The following ARL15 variants were observed in gnomAD, a reference collection of about 807,000 sequenced individuals.
ARL15 encodes the protein ARF like GTPase 15.
A neutral mutation model predicts 25.2 loss-of-function variants in ARL15; 19 were observed. That is an observed-to-expected ratio of 0.75 (90% confidence interval 0.53 to 1.10). The LOEUF (loss-of-function observed/expected upper bound fraction) is 1.10, where lower values mean the gene tolerates loss of function less well. ARL15 is among the 50% of genes least tolerant of loss of function. ARL15 has a pLI of 0.00. For synonymous variants in ARL15, 94 were observed against 86.8 expected (o/e 1.08, Z -0.46); for missense variants, 220 against 246.0 (o/e 0.89, Z 0.71).
At chr5:53,964,080 C>T (rs942154362) in intron 4 of ARL15, among the ~76,000 whole-genome samples, 10 of 152,146 alleles carry the variant, frequency 6.6e-5, no homozygotes, top group Non-Finnish European at 1.5e-4. Context: ...GTGCAGAATA[C>T]TGAAGCCTTT....
At chr5:53,907,919 T>C (rs1016447567) in intron 4 of ARL15, among the ~76,000 whole-genome samples, 3 of 152,174 alleles carry the variant, frequency 2.0e-5, no homozygotes, top group African/African-American at 7.2e-5. Context: ...TCAGATACGA[T>C]TGCTATTTAA....
rs559870869 is a variant in ARL15 at position 53,903,470 on chromosome 5, T to A, written c.463-16757A>T. Among the ~76,000 whole-genome samples, 5 of 152,254 alleles carry A rather than the reference T, an allele frequency of 3.3e-5. No individual in the cohort carries two copies. The East Asian group carries it at 9.7e-4, about 29-fold the overall frequency. ...GGGAGATGTGGCTAACATCCTCCAA[T>A]GCATAGGGCAGCTTCCCCTCTCACC... On this transcript the variant is annotated intron_variant, in intron 4 of 4. Transcript: ENST00000504924.
intron 4 of ARL15, among the ~76,000 whole-genome samples, chr5:53,907,483 T>TAC (rs1561143897): frequency 6.8e-4 from 23 of 34,024 alleles, no homozygotes; most frequent in African/African-American, 3.0e-3. Context: ...TATATATATA[T>TAC]ATATATTTTT....
chr5:54,048,108 CCAACCTGGGCCAGTTCCCCTCTCCTTAGG>C (rs1750581037), intron 4 of ARL15: 1 of 152,060 alleles, frequency 6.6e-6, no homozygotes, highest in Admixed American at 6.6e-5. Flanking sequence ...TGCTCTATTT[CCAACCTGGGCCAGTTCCCCTCTCCTTAGG>C]CAACCTGGTG....
At chr5:54,184,754 G>T (rs1458501238) in intron 1 of ARL15, among the ~76,000 whole-genome samples, 2 of 151,724 alleles carry the variant, frequency 1.3e-5, no homozygotes, top group Non-Finnish European at 2.9e-5. Flanking sequence ...TATTCTACTA[G>T]TCACCAATTC....
chr5:54,264,168 A>G (rs1261394170), intron 1 of ARL15, among the ~76,000 whole-genome samples: 1 of 152,126 alleles, frequency 6.6e-6, no homozygotes, highest in African/African-American at 2.4e-5. Flanking sequence ...TACATCCTCC[A>G]TTTCACTTGA....
chr5:53,929,476 T>G (rs1746133333), intron 4 of ARL15, among the ~76,000 whole-genome samples: 1 of 152,260 alleles, frequency 6.6e-6, no homozygotes, highest in East Asian at 1.9e-4. Context: ...TACTATCATT[T>G]GTCCACTACC....
At chr5:54,137,222 AT>A (rs1753631638) in intron 3 of ARL15, among the ~76,000 whole-genome samples, 1 of 152,114 alleles carries the variant, frequency 6.6e-6, no homozygotes, top group African/African-American at 2.4e-5. Flanking sequence ...AGCAGGTTTC[AT>A]ATGGTCAGCA....
At chr5:54,005,429 A>G (rs1435488753) in intron 4 of ARL15, among the ~76,000 whole-genome samples, 1 of 152,124 alleles carries the variant, frequency 6.6e-6, no homozygotes, top group Non-Finnish European at 1.5e-5. Context: ...ACTTTTAAGA[A>G]TGCTTTATTG....
chr5:54,100,451 T>C (rs1316065751), intron 4 of ARL15, among the ~76,000 whole-genome samples: 1 of 152,058 alleles, frequency 6.6e-6, no homozygotes, highest in Non-Finnish European at 1.5e-5. Flanking sequence ...TGTCTGATAT[T>C]TTCTATACTT....
intron 4 of ARL15, among the ~76,000 whole-genome samples, chr5:53,921,096 A>C (rs1023684549): frequency 3.9e-5 from 6 of 152,182 alleles, no homozygotes; most frequent in African/African-American, 1.4e-4. Flanking sequence ...AGACATCGAG[A>C]ATGTAAGCTT....
chr5:54,188,303 A>AT (rs1335745474), intron 1 of ARL15, among the ~76,000 whole-genome samples: 1 of 152,118 alleles, frequency 6.6e-6, no homozygotes, highest in Non-Finnish European at 1.5e-5. Context: ...GAGGGAAAGG[A>AT]TTAGGTAAAG....
At chr5:54,034,962 C>T (rs1750124686) in intron 4 of ARL15, among the ~76,000 whole-genome samples, 1 of 151,948 alleles carries the variant, frequency 6.6e-6, no homozygotes, top group Non-Finnish European at 1.5e-5. Context: ...AGCCACCACA[C>T]CTGGCCTAAG....
chr5:54,130,683 A>G (rs1467407892), intron 3 of ARL15, among the ~76,000 whole-genome samples: 2 of 152,228 alleles, frequency 1.3e-5, no homozygotes, highest in Non-Finnish European at 2.9e-5. Context: ...ATCAAAAACA[A>G]GTAGGGAAAA....
chr5:54,253,045 T>TA (rs1232990400), intron 1 of ARL15, among the ~76,000 whole-genome samples: 47 of 151,810 alleles, frequency 3.1e-4, no homozygotes, highest in African/African-American at 7.2e-4. Flanking sequence ...GTTTTTTTTT[T>TA]TAAAAAAGCA....
chr5:53,927,867 C>G (rs1746079177), intron 4 of ARL15, among the ~76,000 whole-genome samples: 1 of 152,142 alleles, frequency 6.6e-6, no homozygotes. Context: ...GGTTCAAAGT[C>G]TGACTTTGCC....
chr5:53,995,423 A>C (rs1008584698), intron 4 of ARL15, among the ~76,000 whole-genome samples: 2 of 152,128 alleles, frequency 1.3e-5, no homozygotes, highest in African/African-American at 2.4e-5. Flanking sequence ...GTGTGCAATA[A>C]ATGATTTTAA....
At chr5:54,189,933 A>C (rs1326104770) in intron 1 of ARL15, among the ~76,000 whole-genome samples, 1 of 152,234 alleles carries the variant, frequency 6.6e-6, no homozygotes. Flanking sequence ...TAAGAGATCA[A>C]TGTCTGGAAT....
intron 4 of ARL15, among the ~76,000 whole-genome samples, chr5:53,975,565 T>C (rs1240974966): frequency 1.3e-5 from 2 of 152,228 alleles, no homozygotes; most frequent in African/African-American, 4.8e-5. Flanking sequence ...TCTAATTCTG[T>C]TCCCTCTCTT....
Sources: allele counts gnomAD v4.1 joint callset (sites outside exome capture counted in the v4.1 genomes callset), GRCh38; gene constraint gnomAD v4.1.1; transcripts MANE v1.5; gene names NCBI Gene and HGNC (gene_info 2026-07-23, HGNC 2026-07-21).